The following LPA variants were observed in gnomAD, a reference collection of about 807,000 sequenced individuals.
LPA encodes lipoprotein(a), also known as apolipoprotein(a).
A neutral mutation model predicts 197.9 loss-of-function variants in LPA; 199 were observed. The ratio of observed to expected loss-of-function variants is 1.01; its 90% CI spans 0.90 to 1.13. LPA has a LOEUF of 1.13. Among genes scored for constraint, LPA ranks in the 50% most tolerant of loss-of-function variants. LPA has a pLI of 0.00. For missense variants in LPA, 1,853 were observed against 1,785.8 expected (o/e 1.04, Z -0.68); for synonymous variants, 715 against 639.5 (o/e 1.12, Z -1.78).
rs1777808521 is a variant in LPA at position 160,531,701 on chromosome 6, T to C, written c.*28A>G. ...ACCCACGTTTCAGCTTCTAAGTAGG[T>C]TGATGCTTCACTCTGTCTCCCGTCC... On this transcript the variant is annotated 3_prime_UTR_variant, in exon 39 of 39. Transcript: ENST00000316300. 2 of 1,613,770 alleles carry C rather than the reference T, an allele frequency of 1.2e-6. No homozygotes were observed. The highest frequency in any genetic ancestry group is 8.5e-7 in the Non-Finnish European group (1 of 1,179,716).
intron 28 of LPA, among the ~76,000 whole-genome samples, chr6:160,570,150 A>G (rs565730291): frequency 6.6e-6 from 1 of 152,236 alleles, no homozygotes; most frequent in South Asian, 2.1e-4. Flanking sequence ...TATCTAAAGG[A>G]TTATAAATCA....
chr6:160,552,454 G>A (rs1778181675), intron 30 of LPA, among the ~76,000 whole-genome samples: 1 of 152,192 alleles, frequency 6.6e-6, no homozygotes. Context: ...CTTGAGCATA[G>A]TGTGTGAAAT....
intron 1 of LPA, among the ~76,000 whole-genome samples, chr6:160,659,899 T>G (rs1374934599): frequency 2.6e-5 from 4 of 152,072 alleles, no homozygotes; most frequent in Non-Finnish European, 2.9e-5. Context: ...TAAACAGTGG[T>G]AAGGAAGAAA....
intron 30 of LPA, among the ~76,000 whole-genome samples, chr6:160,554,358 A>G (rs1778220793): frequency 6.6e-6 from 1 of 152,194 alleles, no homozygotes; most frequent in South Asian, 2.1e-4. Context: ...TTGTGAATGC[A>G]ACATTACAGA....
chr6:160,556,802 C>T (rs1417366569), intron 29 of LPA, among the ~76,000 whole-genome samples: 2 of 152,088 alleles, frequency 1.3e-5, no homozygotes, highest in African/African-American at 4.8e-5. Context: ...CAACACACAC[C>T]AAAGATGCAC....
At chr6:160,542,930 A>C in intron 33 of LPA, 122 bp from the exon 34 acceptor site, 3 of 1,342,330 alleles carry the variant, frequency 2.2e-6, no homozygotes, top group Non-Finnish European at 3.2e-6. Flanking sequence ...AAATGGTAAA[A>C]TCATAAACAC....
In LPA at chr6:160,531,530, A is replaced by G; in HGVS notation, c.*199T>C. ...TTTATTTTTAACAAATGTCATAGCT[A>G]TGACACCTTAATACAGAATTTGTCA... On this transcript the variant is annotated 3_prime_UTR_variant, in exon 39 of 39. Transcript: ENST00000316300. The G allele has an allele frequency of 1.6e-6, 1 of 643,994 alleles. No individual in the cohort carries two copies. The highest frequency in any genetic ancestry group is 2.7e-6 in the Non-Finnish European group (1 of 364,948). The allele number at this position is 643,994 out of a possible 1,614,324, so 39.9% of individuals were successfully genotyped here. A position where few individuals can be genotyped will look rare whatever the true frequency, so the allele number is the denominator to read the frequency against.
intron 29 of LPA, among the ~76,000 whole-genome samples, chr6:160,556,751 T>G (rs1046509974): frequency 2.0e-5 from 3 of 152,120 alleles, no homozygotes; most frequent in Non-Finnish European, 4.4e-5. Context: ...TGTTCCAGCA[T>G]CCTGCATTGC....
Position 160,656,630 on chromosome 6 carries a change from C to T in LPA, c.50-6133G>A, listed in dbSNP as rs147022728. On this transcript the variant is annotated intron_variant, in intron 1 of 38. Transcript: ENST00000316300. ...ATTACTTCCCTTTCTCCAGTACACA[C>T]AGTTACCCTGGTAAAAGGCCAGAGG... 6.0e-4 allele frequency among the ~76,000 whole-genome samples: 91 copies of T among 152,290 alleles called. No individual in the cohort carries two copies. The East Asian group carries it at 0.015, about 25-fold the overall frequency.
intron 37 of LPA, among the ~76,000 whole-genome samples, chr6:160,536,043 C>T (rs1777889621): frequency 6.6e-6 from 1 of 152,168 alleles, no homozygotes; most frequent in Non-Finnish European, 1.5e-5. Flanking sequence ...ACAATTGGTG[C>T]AGGTCAGAGC....
At chr6:160,557,225 C>T (rs1778278727) in intron 29 of LPA, among the ~76,000 whole-genome samples, 165 bp downstream of exon 29, 2 of 152,048 alleles carry the variant, frequency 1.3e-5, no homozygotes, top group Non-Finnish European at 2.9e-5. Flanking sequence ...CGCCCACGCA[C>T]GTTGCGCCAA....
intron 22 of LPA, among the ~76,000 whole-genome samples, chr6:160,592,407 T>G (rs1229814616): frequency 6.6e-6 from 1 of 152,238 alleles, no homozygotes; most frequent in African/African-American, 2.4e-5. Context: ...AATTCTTTTC[T>G]TTTCTGATAT....
rs41270982 is a variant in LPA, at chr6:160,605,604, A to T, written c.2786-399T>A. 3.8e-3 allele frequency among the ~76,000 whole-genome samples: 573 copies of T among 152,320 alleles called. 2 individuals are homozygous for T. The highest frequency in any genetic ancestry group is 5.4e-3 in the Non-Finnish European group (364 of 68,024). ...CAAAGCACGATGCATTTGGGGGTACAGGCCATACATGGTGATTGGGTGTTA... is the reference window on the plus strand; with the variant it reads ...CAAAGCACGATGCATTTGGGGGTACTGGCCATACATGGTGATTGGGTGTTA... On this transcript the variant is annotated intron_variant, in intron 17 of 38. Coordinates refer to ENST00000316300, the MANE Select transcript of LPA (RefSeq NM_005577.4).
Position 160,650,460 on chromosome 6 carries a change from G to T in LPA, c.87C>A (p.Tyr29Ter). 1 of 1,613,808 alleles carries T rather than the reference G, an allele frequency of 6.2e-7. No individual in the cohort carries two copies. The highest frequency in any genetic ancestry group is 1.1e-5 in the South Asian group (1 of 91,070). The change falls in exon 2 of 39, where the codon TAC becomes TAA. Residue 29 changes from tyrosine to a stop codon, truncating the protein, a stop_gained. Coordinates refer to ENST00000316300, the MANE Select transcript of LPA (RefSeq NM_005577.4). LOFTEE classifies it high-confidence loss of function. Reference protein sequence around the residue: ...PEQSHVVQDCYHGDGQSYRGT... With the variant: ...PEQSHVVQDC Reference sequence around the variant, plus strand: ...CTCGATAACTCTGTCCATCACCATGGTAGCAATCCTGGACCACATGGCTTT... The same window carrying T: ...CTCGATAACTCTGTCCATCACCATGTTAGCAATCCTGGACCACATGGCTTT...
rs776365510 is a variant in LPA at position 160,590,958 on chromosome 6, G to A, written c.3773C>T (p.Ala1258Val). ...TESSVLATST[A>V]VSEQAPTEQS... is the part of the protein sequence containing the mutation. The stretch of plus-strand genomic sequence containing the variant: ...AGACTTCTTACCTTGTTCAGAAACA[G>A]CCGTGGACGTCGCAAGGACACTTGA... The change falls in exon 23 of 39, where the codon GCT becomes GTT. Residue 1258 changes from alanine to valine, a missense_variant. Transcript: ENST00000316300. The A allele has an allele frequency of 3.7e-6, 6 of 1,613,846 alleles. No individual in the cohort carries two copies. The African/African-American group carries it at 6.7e-5, about 18-fold the overall frequency.
At chr6:160,571,726 C>G (rs901325061) in intron 28 of LPA, among the ~76,000 whole-genome samples, 2 of 152,218 alleles carry the variant, frequency 1.3e-5, no homozygotes, top group African/African-American at 4.8e-5. Context: ...CCCCTCCTCC[C>G]ACCAAGCTTG....
At chr6:160,635,010 C>T in intron 7 of LPA, 113 bp downstream of exon 7, 7 of 1,507,934 alleles carry the variant, frequency 4.6e-6, no homozygotes, top group Non-Finnish European at 6.4e-6. Flanking sequence ...TGGCAGAACT[C>T]CGGCAACACT....
rs960406810 is a variant in LPA at position 160,600,896 on chromosome 6, A to G, written c.3127+21T>C. On this transcript the variant is annotated intron_variant, in intron 19 of 38. Coordinates refer to ENST00000316300, the MANE Select transcript of LPA (RefSeq NM_005577.4). ...TTCATCCCAGCATCCAAGCAGGTAA[A>G]TGTCTGGCACAACTTCTTACCTTGT... 9 of 1,611,504 alleles carry G rather than the reference A, an allele frequency of 5.6e-6. No homozygotes were observed. In the Admixed American group the frequency reaches 1.0e-4, roughly 18 times the overall value.
chr6:160,573,198 T>A (rs1411018455), intron 28 of LPA, among the ~76,000 whole-genome samples: 1 of 152,206 alleles, frequency 6.6e-6, no homozygotes, highest in East Asian at 1.9e-4. Context: ...GCTCTGAATT[T>A]ATTTTTTCTA....
Sources: allele counts gnomAD v4.1 joint callset (sites outside exome capture counted in the v4.1 genomes callset), GRCh38; gene constraint gnomAD v4.1.1; transcripts MANE v1.5; gene names NCBI Gene and HGNC (gene_info 2026-07-23, HGNC 2026-07-21).